Variants in CPT1A observed in about 807,000 individuals in gnomAD.
The protein encoded by CPT1A is carnitine palmitoyltransferase 1A.
In CPT1A, 64 loss-of-function variants were observed where a neutral mutation model predicts 100.8. The ratio of observed to expected loss-of-function variants is 0.63; its 90% CI spans 0.52 to 0.78. The LOEUF (loss-of-function observed/expected upper bound fraction) is 0.78. Ranked by LOEUF, CPT1A falls within the 30% of genes least tolerant of loss-of-function variation. CPT1A has a pLI of 0.00. For synonymous variants in CPT1A, 363 were observed against 396.0 expected (o/e 0.92, Z 0.99); for missense variants, 802 against 1,034.1 (o/e 0.78, Z 3.08).
intron 2 of CPT1A, among the ~76,000 whole-genome samples, chr11:68,814,409 C>A (rs1318832701): frequency 6.6e-6 from 1 of 151,152 alleles, no homozygotes; most frequent in African/African-American, 2.4e-5. Context: ...CGGGTTCGTG[C>A]CATTCTCCTG....
intron 14 of CPT1A, among the ~76,000 whole-genome samples, chr11:68,767,538 C>T (rs140088346): frequency 6.6e-6 from 1 of 152,214 alleles, no homozygotes; most frequent in Non-Finnish European, 1.5e-5. Context: ...TGCAGTAAGC[C>T]GTGATTGTGC....
At chr11:68,773,966 G>C (rs987051308) in intron 13 of CPT1A, 2 of 185,904 alleles carry the variant, frequency 1.1e-5, no homozygotes, top group African/African-American at 4.7e-5. Context: ...CACAACTCCA[G>C]TAAACATACT....
At chr11:68,790,841 T>A (rs1222982935) in intron 9 of CPT1A, among the ~76,000 whole-genome samples, 2 of 152,164 alleles carry the variant, frequency 1.3e-5, no homozygotes, top group Non-Finnish European at 1.5e-5. Context: ...CATATTTTTT[T>A]GAGATGGAGT....
At chr11:68,842,677 A>T (rs1857184918), upstream of CPT1A, among the ~76,000 whole-genome samples, 1 of 152,170 alleles carries the variant, frequency 6.6e-6, no homozygotes. Context: ...GAGTAGCTGG[A>T]GGCCAGGGCA....
chr11:68,805,689 C>G (rs1856024284), intron 4 of CPT1A, among the ~76,000 whole-genome samples: 1 of 152,212 alleles, frequency 6.6e-6, no homozygotes, highest in Admixed American at 6.5e-5. Flanking sequence ...CCGGCAGACC[C>G]ACGGATCAGC....
intron 9 of CPT1A, among the ~76,000 whole-genome samples, chr11:68,791,071 G>A (rs1194314780): frequency 6.6e-6 from 1 of 152,134 alleles, no homozygotes; most frequent in Non-Finnish European, 1.5e-5. Context: ...TGATCCACCT[G>A]CCTTGGCCTC....
intron 4 of CPT1A, among the ~76,000 whole-genome samples, chr11:68,805,939 C>A (rs1379412207): frequency 6.6e-6 from 1 of 152,174 alleles, no homozygotes; most frequent in Non-Finnish European, 1.5e-5. Flanking sequence ...GGGGCCCCAG[C>A]CCCCCAGACG....
intron 3 of CPT1A, among the ~76,000 whole-genome samples, chr11:68,811,071 C>T (rs1201589165): frequency 6.6e-6 from 1 of 152,088 alleles, no homozygotes; most frequent in Non-Finnish European, 1.5e-5. Context: ...TTATTTCTTT[C>T]TGATTAAACA....
Position 68,784,908 on chromosome 11 carries a change from C to T in CPT1A, c.1070G>A (p.Arg357Gln), listed in dbSNP as rs776195624. 30 of 1,613,982 alleles carry T rather than the reference C, an allele frequency of 1.9e-5. No homozygotes were observed. Among genetic ancestry groups the T allele is most frequent in the African/African-American group, 5.3e-5 (4 of 74,938 alleles). ...CCTCTGCATCTGCTGCTCCATCTCC[C>T]GGGGCTTCAGCAGCCGCCCATCATG... is the stretch of plus-strand genomic sequence containing the variant. ...LYHDGRLLKP[R>Q]EMEQQMQRIL... is the part of the protein sequence containing the mutation. The change falls in exon 10 of 19, where the codon CGG (arginine) becomes CAG (glutamine). Residue 357 changes from arginine to glutamine, a missense_variant. By Grantham distance (43) the Arg-to-Gln change is conservative. This residue lies in a region of CPT1A where 627 missense variants were observed against 799.3 expected (regional missense o/e 0.78). Transcript: ENST00000265641.
In CPT1A at chr11:68,784,879, G is replaced by A. The variant is rs1367006911; in HGVS notation, c.1099C>T (p.Leu367=). The A allele has an allele frequency of 6.2e-7, 1 of 1,613,950 alleles. No homozygotes were observed. Among genetic ancestry groups the A allele is most frequent in the Non-Finnish European group, 8.5e-7 (1 of 1,180,050 alleles). Residue 367 remains leucine (L), a synonymous_variant, in exon 10 of 19, where the codon CTG becomes TTG. Coordinates refer to ENST00000265641, the MANE Select transcript of CPT1A (RefSeq NM_001876.4). ...REMEQQMQRI[L]DNTSEPQPGE... Reference sequence around the variant, plus strand: ...GGCTGAGGCTCCGAGGTATTGTCCAGGATCCTCTGCATCTGCTGCTCCATC... The same window carrying A: ...GGCTGAGGCTCCGAGGTATTGTCCAAGATCCTCTGCATCTGCTGCTCCATC...
chr11:68,839,814 G>A (rs1366242077), intron 1 of CPT1A: 2 of 607,940 alleles, frequency 3.3e-6, no homozygotes, highest in Non-Finnish European at 4.1e-6. Flanking sequence ...ACCGCTCGGT[G>A]ACCACTGGTC....
intron 9 of CPT1A, among the ~76,000 whole-genome samples, chr11:68,785,242 T>C (rs1855425793): frequency 6.6e-6 from 1 of 152,080 alleles, no homozygotes; most frequent in Non-Finnish European, 1.5e-5. Flanking sequence ...CTCATTAGAT[T>C]ATGACCTCAA....
Position 68,757,700 on chromosome 11 carries a change from C to T in CPT1A, c.2266G>A (p.Glu756Lys), listed in dbSNP as rs1282934385. ...AAAGTGATGATGTCAGTCATTGCTTCTTTCAGGTGCCTTCCAAAGCGATGA... is the reference window on the plus strand; with the variant it reads ...AAAGTGATGATGTCAGTCATTGCTTTTTTCAGGTGCCTTCCAAAGCGATGA... ...DSHRFGRHLK[E>K]AMTDIITLFG... Residue 756 changes from glutamate to lysine, a missense_variant, in exon 19 of 19, where the codon GAA (glutamate) becomes AAA (lysine). Physicochemically the swap from Glu to Lys is moderately conservative, Grantham distance 56 (BLOSUM62 1). Transcript: ENST00000265641. 1 of 1,614,142 alleles carries T rather than the reference C, an allele frequency of 6.2e-7. No individual in the cohort carries two copies.
chr11:68,808,131 T>C (rs533363633), intron 3 of CPT1A, among the ~76,000 whole-genome samples: 1 of 152,364 alleles, frequency 6.6e-6, no homozygotes, highest in East Asian at 1.9e-4. Context: ...TGAATTTTTT[T>C]CTCTCAAACT....
chr11:68,816,261 G>C (rs2154001427), intron 1 of CPT1A, among the ~76,000 whole-genome samples: 1 of 152,328 alleles, frequency 6.6e-6, no homozygotes, highest in African/African-American at 2.4e-5. Flanking sequence ...CTGTGTGGCT[G>C]CTCTTTCGAG....
intron 1 of CPT1A, among the ~76,000 whole-genome samples, chr11:68,838,579 A>AAAAAAAAACAAAAAC (rs1857075873): frequency 6.9e-6 from 1 of 144,364 alleles, no homozygotes; most frequent in Non-Finnish European, 1.5e-5. Context: ...TTTTAAAAAA[A>AAAAAAAAACAAAAAC]AAAAAAAAAA....
In CPT1A at chr11:68,796,931, C is replaced by T. The variant is rs1855769476; in HGVS notation, c.696G>A (p.Val232=). 3.1e-6 allele frequency: 5 copies of T among 1,613,822 alleles called. No individual in the cohort carries two copies. The highest frequency in any genetic ancestry group is 4.2e-6 in the Non-Finnish European group (5 of 1,179,862). ...KLKSWWATNY[V]SDWWEEYIYL... is the part of the protein sequence containing the mutation. ...AGATGTACTCCTCCCACCAGTCGCT[C>T]ACCTAGTGGGCGCAAACACCAGACA... Residue 232 remains valine (V), a splice_region_variant and synonymous_variant, in exon 7 of 19, where the codon GTG becomes GTA. Transcript: ENST00000265641.
intron 9 of CPT1A, among the ~76,000 whole-genome samples, chr11:68,786,440 G>A (rs1169623554): frequency 6.6e-6 from 1 of 152,214 alleles, no homozygotes; most frequent in African/African-American, 2.4e-5. Context: ...CTAGCCTGGA[G>A]ATGTGAGAAA....
At chr11:68,832,718 G>A (rs1020152046) in intron 1 of CPT1A, among the ~76,000 whole-genome samples, 6 of 152,216 alleles carry the variant, frequency 3.9e-5, no homozygotes, top group African/African-American at 1.4e-4. Context: ...GCATTGCACA[G>A]TGCCCATGCA....
Sources: allele counts gnomAD v4.1 joint callset (sites outside exome capture counted in the v4.1 genomes callset), GRCh38; gene constraint gnomAD v4.1.1; regional missense constraint gnomAD v4.1.1; transcripts MANE v1.5; gene names NCBI Gene and HGNC (gene_info 2026-07-23, HGNC 2026-07-21).